ELN: variants seen among roughly 807,000 people sequenced by gnomAD.
ELN encodes tropoelastin.
A neutral mutation model predicts 105.8 loss-of-function variants in ELN; 65 were observed. That is an observed-to-expected ratio of 0.61 (90% confidence interval 0.50 to 0.75). The LOEUF is 0.75. ELN is among the 30% of genes least tolerant of loss of function. ELN has a pLI of 0.00. For synonymous variants in ELN, 368 were observed against 389.2 expected (o/e 0.95, Z 0.64); for missense variants, 882 against 969.4 (o/e 0.91, Z 1.20).
chr7:74,040,639 G>A (rs1790989763), intron 4 of ELN, among the ~76,000 whole-genome samples: 1 of 152,220 alleles, frequency 6.6e-6, no homozygotes, highest in Non-Finnish European at 1.5e-5. Flanking sequence ...TCCTGGCCAA[G>A]GCAGTGGAAT....
At chr7:74,033,536 T>A (rs1277761237) in intron 1 of ELN, among the ~76,000 whole-genome samples, 5 of 152,036 alleles carry the variant, frequency 3.3e-5, no homozygotes, top group African/African-American at 9.7e-5. Context: ...AGCCTTGAGG[T>A]TCTGACCAGA....
chr7:74,067,827 C>T (rs1798286883), intron 32 of ELN, among the ~76,000 whole-genome samples: 1 of 148,250 alleles, frequency 6.7e-6, no homozygotes, highest in Non-Finnish European at 1.5e-5. Context: ...ACTCTGGAGG[C>T]TGAGACAGGA....
intron 1 of ELN, among the ~76,000 whole-genome samples, chr7:74,031,858 AAAGAAGG>A (rs1460679320): frequency 1.4e-5 from 2 of 146,036 alleles, no homozygotes; most frequent in East Asian, 4.0e-4. Context: ...GGAAGGAAGG[AAAGAAGG>A]AAGGAAGGAA....
chr7:74,054,660 T>C, intron 18 of ELN, 56 bp from the exon 19 acceptor site: 2 of 1,570,794 alleles, frequency 1.3e-6, no homozygotes, highest in South Asian at 2.2e-5. Context: ...GGATACATAC[T>C]ACACAGCTCT....
chr7:74,050,601 C>CCATT (rs1793822722), intron 15 of ELN, among the ~76,000 whole-genome samples: 1 of 146,638 alleles, frequency 6.8e-6, no homozygotes, highest in Middle Eastern at 3.4e-3. Flanking sequence ...ATCCATTCAC[C>CCATT]CATGCATTCA....
chr7:74,068,586 G>T (rs990233164), intron 32 of ELN, 71 bp from the exon 33 acceptor site: 16 of 1,593,970 alleles, frequency 1.0e-5, no homozygotes, highest in Non-Finnish European at 1.4e-5. Context: ...GAGTGGGTCA[G>T]AGCAGGCGGG....
chr7:74,062,499 T>C (rs1563864967), intron 26 of ELN, among the ~76,000 whole-genome samples: 1 of 152,216 alleles, frequency 6.6e-6, no homozygotes, highest in Non-Finnish European at 1.5e-5. Flanking sequence ...CTGCTAAGTG[T>C]GAAGCACTCA....
At chr7:74,033,173 G>T (rs1789082523) in intron 1 of ELN, among the ~76,000 whole-genome samples, 1 of 152,196 alleles carries the variant, frequency 6.6e-6, no homozygotes, top group African/African-American at 2.4e-5. Context: ...CTTTCCCAAG[G>T]TCGCACAGAT....
Position 74,028,199 on chromosome 7 carries a change from G to C in ELN, c.12G>C (p.Leu4=), listed in dbSNP as rs1787858155. Residue 4 remains leucine, a synonymous_variant, in exon 1 of 33, where the codon CTG becomes CTC. Coordinates refer to ENST00000252034, the MANE Select transcript of ELN (RefSeq NM_000501.4). MAG[L]TAAAPRPGVL... ...CATTTCTCCCCGAGATGGCGGGTCT[G>C]ACGGCGGCGGCCCCGCGGCCCGGAG... is the stretch of plus-strand genomic sequence containing the variant. The C allele has an allele frequency of 6.2e-7, 1 of 1,611,024 alleles. No individual in the cohort carries two copies. The highest frequency in any genetic ancestry group is 8.5e-7 in the Non-Finnish European group (1 of 1,179,556).
intron 29 of ELN, among the ~76,000 whole-genome samples, chr7:74,064,270 C>T (rs1290809991): frequency 6.6e-6 from 1 of 151,792 alleles, no homozygotes; most frequent in South Asian, 2.1e-4. Flanking sequence ...AAAAAATTAG[C>T]TGGGCGTGGT....
intron 21 of ELN, chr7:74,057,278 G>T (rs975995831): frequency 3.4e-6 from 3 of 886,500 alleles, no homozygotes; most frequent in Non-Finnish European, 4.8e-6. Flanking sequence ...AATTGAAGGT[G>T]CCAGGAAGCC....
In ELN at chr7:74,063,781, G is replaced by A. The variant is rs1003967152; in HGVS notation, c.1993+86G>A. On this transcript the variant is annotated intron_variant, in intron 29 of 32. Transcript: ENST00000252034. This position sits in a 1 kb window ranked among gnomAD's most constrained non-coding sequence, Gnocchi z 4.1. ...GACAGAGACAGAGACAGAGACTTTC[G>A]TTCCCACCCCTGGCACGTCTTTGCT... is the stretch of plus-strand genomic sequence containing the variant. 3.2e-5 allele frequency: 50 copies of A among 1,577,792 alleles called. 1 individual carries two copies. In the East Asian group the frequency reaches 6.3e-4, roughly 20 times the overall value.
chr7:74,067,687 C>T (rs1235685612), intron 32 of ELN, among the ~76,000 whole-genome samples: 2 of 149,698 alleles, frequency 1.3e-5, no homozygotes, highest in Non-Finnish European at 3.0e-5. Context: ...GGTGTGAACC[C>T]GGGAGGCGGA....
chr7:74,066,889 C>T (rs1395850791), intron 32 of ELN, 113 bp downstream of exon 32: 3 of 1,157,616 alleles, frequency 2.6e-6, no homozygotes, highest in Non-Finnish European at 3.8e-6. Flanking sequence ...AGGGGTGGAC[C>T]CCACAGCCTC....
At position 74,060,020 on chromosome 7, in the gene ELN, C is replaced by T. The variant is rs782149483; in HGVS notation, c.1549C>T (p.Pro517Ser). The change falls in exon 23 of 33, where the codon CCC (proline) becomes TCC (serine). Residue 517 changes from proline (P) to serine (S), a missense_variant. By Grantham distance (74) the Pro-to-Ser change is moderately conservative (BLOSUM62 -1). Coordinates refer to ENST00000252034, the MANE Select transcript of ELN (RefSeq NM_000501.4). ...TGTGGCTCCTGGCGTTGGCGTGGCT[C>T]CCGGCATTGGCCCTGGTGGAGTTGC... ...VGVAPGVGVAPGIGPGGVAAA... is the reference protein window; with the variant it reads ...VGVAPGVGVASGIGPGGVAAA... 1.2e-6 allele frequency: 2 copies of T among 1,613,884 alleles called. No homozygotes were observed. The highest frequency in any genetic ancestry group is 3.3e-5 in the Admixed American group (2 of 59,986).
At chr7:74,043,516 C>T (rs1554670175) in intron 8 of ELN, 14 of 678,770 alleles carry the variant, frequency 2.1e-5, no homozygotes, top group Middle Eastern at 2.4e-4. Context: ...CTCTGACTCC[C>T]CATCTGGTAC....
chr7:74,056,353 C>G lies in ELN; in HGVS notation c.1233C>G (p.Val411=). 2 of 1,613,540 alleles carry G rather than the reference C, an allele frequency of 1.2e-6. No homozygotes were observed. Among genetic ancestry groups the G allele is most frequent in the South Asian group, 2.2e-5 (2 of 91,064 alleles). The change falls in exon 20 of 33, where the codon GTC becomes GTG. Residue 411 remains valine, a synonymous_variant. Coordinates refer to ENST00000252034, the MANE Select transcript of ELN (RefSeq NM_000501.4). ...AGGFPGFGVG[V]GGIPGVAGVP... Reference sequence around the variant, plus strand: ...GCTTTCCCGGCTTTGGTGTCGGAGTCGGAGGTATCCCTGGAGTCGCAGGTG... The same window carrying G: ...GCTTTCCCGGCTTTGGTGTCGGAGTGGGAGGTATCCCTGGAGTCGCAGGTG...
intron 31 of ELN, 39 bp downstream of exon 31, chr7:74,066,036 G>T (rs782730366): frequency 6.2e-7 from 1 of 1,613,826 alleles, no homozygotes; most frequent in Non-Finnish European, 8.5e-7. Flanking sequence ...CCTCAGCTCT[G>T]TCCCGATCTA....
intron 21 of ELN, 42 bp downstream of exon 21, chr7:74,056,755 C>G (rs544627350): frequency 3.9e-5 from 63 of 1,612,952 alleles, no homozygotes; most frequent in East Asian, 2.2e-5. Flanking sequence ...CCTGCTCTCC[C>G]GCGGGGCTCA....
Sources: allele counts gnomAD v4.1 joint callset (sites outside exome capture counted in the v4.1 genomes callset), GRCh38; gene constraint gnomAD v4.1.1; non-coding constraint Gnocchi (gnomAD v3.1); transcripts MANE v1.5; gene names NCBI Gene and HGNC (gene_info 2026-07-23, HGNC 2026-07-21).